ZFPM2: variants seen among roughly 807,000 people sequenced by gnomAD.
ZFPM2 encodes the protein zinc finger protein, FOG family member 2, also known as zinc finger protein ZFPM2.
Under a neutral mutation model 98.6 loss-of-function variants are expected in ZFPM2, and 20 were observed. The observed-to-expected ratio is 0.20, with a 90% confidence interval of 0.14 to 0.29. ZFPM2 has a LOEUF of 0.29. ZFPM2 is among the 10% of genes least tolerant of loss of function. The pLI is 1.00. For synonymous variants in ZFPM2, 518 were observed against 502.7 expected (o/e 1.03, Z -0.41); for missense variants, 1,310 against 1,388.6 (o/e 0.94, Z 0.90).
At chr8:105,754,718 G>A (rs1432311090) in intron 5 of ZFPM2, among the ~76,000 whole-genome samples, 4 of 150,782 alleles carry the variant, frequency 2.7e-5, no homozygotes, top group African/African-American at 7.3e-5. Context: ...TAAAGCTTGT[G>A]ATTTTTTCCC....
chr8:105,634,474 TC>T lies in ZFPM2; in HGVS notation c.532+120del. 3.6e-6 allele frequency: 3 copies of T among 840,328 alleles called. 1 individual carries two copies. The highest frequency in any genetic ancestry group is 3.3e-5 in the South Asian group (2 of 60,700). 52.1% of individuals were successfully genotyped at this position (840,328 alleles called of 1,614,324 possible). A position where few individuals can be genotyped will look rare whatever the true frequency, so the allele number is the denominator to read the frequency against. ...GTATAAATTGATCCTCTTCCTTTTTTCCCATTTGAGTTCCTCTAATGTGTAT... is the reference window on the plus strand; with the variant it reads ...GTATAAATTGATCCTCTTCCTTTTTTCCATTTGAGTTCCTCTAATGTGTAT... On this transcript the variant is annotated intron_variant, in intron 5 of 7. Coordinates refer to ENST00000407775, the MANE Select transcript of ZFPM2 (RefSeq NM_012082.4).
intron 1 of ZFPM2, chr8:105,319,756 TGA>T (rs752413561): frequency 4.6e-5 from 7 of 152,128 alleles, no homozygotes; most frequent in Admixed American, 1.3e-4. Context: ...GCGGAAGCTG[TGA>T]GTTCAAGGCG....
intron 3 of ZFPM2, among the ~76,000 whole-genome samples, chr8:105,522,787 C>T (rs937487712): frequency 1.1e-4 from 17 of 152,028 alleles, no homozygotes; most frequent in African/African-American, 3.6e-4. Flanking sequence ...TATAGAGTTC[C>T]GATATTGTTA....
chr8:105,707,851 A>G (rs747439016), intron 5 of ZFPM2, among the ~76,000 whole-genome samples: 1 of 152,226 alleles, frequency 6.6e-6, no homozygotes, highest in African/African-American at 2.4e-5. Context: ...TAGGGAGAGT[A>G]GAGGCACCTT....
Position 105,804,268 on chromosome 8 carries a change from A to G in ZFPM2, c.*730A>G, listed in dbSNP as rs1814135894. ...CTGTTAAATGCAATACTTTATAAAG[A>G]ATGAACAAAATTACTGGAAGCAGTA... On this transcript the variant is annotated 3_prime_UTR_variant, in exon 8 of 8. Coordinates refer to ENST00000407775, the MANE Select transcript of ZFPM2 (RefSeq NM_012082.4). 1 of 152,652 alleles carries G rather than the reference A, an allele frequency of 6.6e-6. No individual in the cohort carries two copies. The highest frequency in any genetic ancestry group is 6.5e-5 in the Admixed American group (1 of 15,284). 9.5% of individuals were successfully genotyped at this position (152,652 alleles called of 1,614,324 possible). A position where few individuals can be genotyped will look rare whatever the true frequency, so the allele number is the denominator to read the frequency against.
intron 3 of ZFPM2, among the ~76,000 whole-genome samples, chr8:105,477,206 T>A (rs1019720045): frequency 6.6e-6 from 1 of 151,684 alleles, no homozygotes; most frequent in African/African-American, 2.4e-5. Context: ...ATGAAATAAT[T>A]TCAGTTAAGT....
intron 1 of ZFPM2, chr8:105,418,714 T>G (rs1177422627): frequency 6.1e-6 from 3 of 490,640 alleles, no homozygotes; most frequent in Non-Finnish European, 1.2e-5. Flanking sequence ...TCAGTTCAAT[T>G]AAAATGCATT....
At position 105,359,666 on chromosome 8, in the gene ZFPM2, G is replaced by A. The variant is rs143988556; in HGVS notation, c.40+40685G>A. On this transcript the variant is annotated intron_variant, in intron 1 of 7. Coordinates refer to ENST00000407775, the MANE Select transcript of ZFPM2 (RefSeq NM_012082.4). ...TGGGATTACAGGCGTGAGCCACCGCGCCCGGCCCCACTCTGGGGTATTTCT... is the reference window on the plus strand; with the variant it reads ...TGGGATTACAGGCGTGAGCCACCGCACCCGGCCCCACTCTGGGGTATTTCT... 5.9e-3 allele frequency among the ~76,000 whole-genome samples: 904 copies of A among 152,090 alleles called. 10 individuals are homozygous for A. The highest frequency in any genetic ancestry group is 0.02 in the African/African-American group (820 of 41,512).
intron 1 of ZFPM2, among the ~76,000 whole-genome samples, chr8:105,366,059 G>A (rs1810498635): frequency 6.6e-6 from 1 of 152,112 alleles, no homozygotes; most frequent in Non-Finnish European, 1.5e-5. Flanking sequence ...TGGATTAAGG[G>A]TTAAAATCCA....
At chr8:105,441,452 G>GAGAGAAAGAAAGAAAGAA (rs758403420) in intron 2 of ZFPM2, among the ~76,000 whole-genome samples, 1 of 38,934 alleles carries the variant, frequency 2.6e-5, no homozygotes, top group African/African-American at 1.7e-4. Flanking sequence ...GAGAGAGAGA[G>GAGAGAAAGAAAGAAAGAA]AGAAAGAAAG....
intron 1 of ZFPM2, among the ~76,000 whole-genome samples, chr8:105,339,012 A>G (rs566467335): frequency 6.6e-6 from 1 of 151,944 alleles, no homozygotes; most frequent in South Asian, 2.1e-4. Flanking sequence ...TTAGAACCTC[A>G]GGCTTTCTAA....
chr8:105,718,141 T>A (rs997341968), intron 5 of ZFPM2, among the ~76,000 whole-genome samples: 2 of 151,948 alleles, frequency 1.3e-5, no homozygotes, highest in Admixed American at 1.3e-4. Flanking sequence ...TTGGTCAGAG[T>A]CATCCTGGCA....
chr8:105,387,477 G>C (rs1019991161), intron 1 of ZFPM2: 7 of 153,426 alleles, frequency 4.6e-5, no homozygotes, highest in African/African-American at 1.7e-4. Flanking sequence ...CTGCCCCGCC[G>C]GGAGGCAGCT....
At chr8:105,693,405 A>G (rs1810937317) in intron 5 of ZFPM2, among the ~76,000 whole-genome samples, 1 of 152,208 alleles carries the variant, frequency 6.6e-6, no homozygotes, top group East Asian at 1.9e-4. Flanking sequence ...ATTTTGAAGA[A>G]GACAGAGAAA....
chr8:105,346,643 C>A (rs1176936346), intron 1 of ZFPM2, among the ~76,000 whole-genome samples: 3 of 152,096 alleles, frequency 2.0e-5, no homozygotes, highest in African/African-American at 2.4e-5. Context: ...ACTTTATAAG[C>A]ATTTAACTTA....
At position 105,385,455 on chromosome 8, in the gene ZFPM2, G is replaced by A. The variant is rs143607616; in HGVS notation, c.41-33689G>A. Among the ~76,000 whole-genome samples, 182 of 152,262 alleles carry A rather than the reference G, an allele frequency of 1.2e-3. 2 individuals are homozygous for A. The highest frequency in any genetic ancestry group is 4.1e-3 in the African/African-American group (172 of 41,548). Reference sequence around the variant, plus strand: ...GCTGGTATGTAGCTTAGAGACAAACGTCAAGCTAGCTATTGCCAAGTCACT... The same window carrying A: ...GCTGGTATGTAGCTTAGAGACAAACATCAAGCTAGCTATTGCCAAGTCACT... On this transcript the variant is annotated intron_variant, in intron 1 of 7. Coordinates refer to ENST00000407775, the MANE Select transcript of ZFPM2 (RefSeq NM_012082.4).
intron 3 of ZFPM2, among the ~76,000 whole-genome samples, chr8:105,507,895 T>C (rs1262600976): frequency 6.6e-6 from 1 of 152,202 alleles, no homozygotes; most frequent in African/African-American, 2.4e-5. Context: ...GTTAGGCTGA[T>C]GGCAGTCTTT....
chr8:105,559,528 G>C (rs1411572846), intron 3 of ZFPM2, among the ~76,000 whole-genome samples: 2 of 152,082 alleles, frequency 1.3e-5, no homozygotes, highest in African/African-American at 2.4e-5. Context: ...TTAAATTTTT[G>C]ATTGGGAACA....
At chr8:105,675,504 C>T (rs1320532941) in intron 5 of ZFPM2, among the ~76,000 whole-genome samples, 1 of 152,124 alleles carries the variant, frequency 6.6e-6, no homozygotes, top group African/African-American at 2.4e-5. Context: ...TTCTGGAGAT[C>T]TCCTTGAGAT....
Sources: gnomAD v4.1 joint callset for allele counts (sites outside exome capture counted in the v4.1 genomes callset) on GRCh38, gnomAD v4.1.1 for gene constraint, MANE v1.5 for transcripts, NCBI Gene and HGNC (gene_info 2026-07-23, HGNC 2026-07-21) for gene names.